Variants in UBE3C observed in about 807,000 individuals in gnomAD.
UBE3C encodes ubiquitin protein ligase E3C.
Under a neutral mutation model 129.4 loss-of-function variants are expected in UBE3C, and 42 were observed. The ratio of observed to expected loss-of-function variants is 0.32; its 90% confidence interval spans 0.25 to 0.42. UBE3C has a LOEUF of 0.42. Among genes scored for constraint, UBE3C ranks in the 10% least tolerant of loss-of-function variants. UBE3C has a pLI of 1.00. For synonymous variants in UBE3C, 510 were observed against 492.4 expected, an observed-to-expected ratio of 1.04 and a Z score of -0.47; for missense variants, 1,049 against 1,319.1, an observed-to-expected ratio of 0.80 and a Z score of 3.17.
At chr7:157,165,424 G>A (rs1370491759) in intron 2 of UBE3C, among the ~76,000 whole-genome samples, 2 of 140,782 alleles carry the variant, frequency 1.4e-5, no homozygotes, top group African/African-American at 5.4e-5. Flanking sequence ...TTGAGGTGGA[G>A]TCTCACTTTG....
chr7:157,142,108 A>G (rs767748826), intron 1 of UBE3C, among the ~76,000 whole-genome samples: 9 of 152,092 alleles, frequency 5.9e-5, no homozygotes, highest in Non-Finnish European at 1.2e-4. Context: ...TGTGGTTTTA[A>G]TTTTGTTTCC....
At chr7:157,213,543 CTT>C (rs1481984926) in intron 13 of UBE3C, among the ~76,000 whole-genome samples, 1 of 152,238 alleles carries the variant, frequency 6.6e-6, no homozygotes, top group Admixed American at 6.5e-5. Context: ...CCTCTACAAA[CTT>C]TCCCTTTTTG....
chr7:157,246,167 G>C (rs747936202), intron 18 of UBE3C, among the ~76,000 whole-genome samples: 1 of 152,178 alleles, frequency 6.6e-6, no homozygotes, highest in Admixed American at 6.5e-5. Context: ...AGGGGTGTCT[G>C]AGCATGCCCT....
rs530596649 is a variant in UBE3C, at chr7:157,265,455, T to G, written c.3082-2130T>G. On this transcript the variant is annotated intron_variant, in intron 22 of 22. Transcript: ENST00000348165. The stretch of plus-strand genomic sequence containing the variant: ...CGACACGCCCATAGGTCTCATGCAT[T>G]AAGTCTGCGTTGAGCAATCCCTAAC... Among the ~76,000 whole-genome samples the G allele has an allele frequency of 8.4e-4, 128 of 152,378 alleles. 1 individual carries two copies. The South Asian group carries it at 0.015, about 18-fold the overall frequency.
chr7:157,199,718 G>A (rs1053324487), intron 10 of UBE3C, among the ~76,000 whole-genome samples: 1 of 151,842 alleles, frequency 6.6e-6, no homozygotes. Flanking sequence ...TGATCCACCC[G>A]CCTCAGCCTC....
intron 19 of UBE3C, among the ~76,000 whole-genome samples, chr7:157,249,376 C>T (rs1241727401): frequency 1.3e-5 from 2 of 151,858 alleles, no homozygotes; most frequent in African/African-American, 4.8e-5. Context: ...AGTGCAGTGG[C>T]GCAATCTCGG....
chr7:157,210,155 C>T (rs574763459), intron 13 of UBE3C, among the ~76,000 whole-genome samples: 1 of 152,024 alleles, frequency 6.6e-6, no homozygotes, highest in South Asian at 2.1e-4. Flanking sequence ...CCAGCCTGGG[C>T]GGTAGGGTGA....
At chr7:157,167,305 C>T (rs185718865) in intron 2 of UBE3C, among the ~76,000 whole-genome samples, 6 of 152,242 alleles carry the variant, frequency 3.9e-5, no homozygotes, top group Admixed American at 2.0e-4. Context: ...TTGAATCCCA[C>T]AGTGTGTGTG....
In UBE3C at chr7:157,207,885, A is replaced by G; in HGVS notation, c.1759A>G (p.Met587Val). The G allele has an allele frequency of 6.2e-7, 1 of 1,612,854 alleles. No individual in the cohort carries two copies. The highest frequency in any genetic ancestry group is 8.5e-7 in the Non-Finnish European group (1 of 1,179,552). The change falls in exon 13 of 23, where the codon ATG becomes GTG. Residue 587 changes from methionine (M) to valine (V), a missense_variant. By Grantham distance (21) the Met-to-Val change is conservative. Coordinates refer to ENST00000348165, the MANE Select transcript of UBE3C (RefSeq NM_014671.3). ...TATTGGAGTTACTACTAGCTCTGAA[A>G]TGCAACAATGCATACAGATGGAACA... ...QSIGVTTSSE[M>V]QQCIQMEQKR...
intron 17 of UBE3C, among the ~76,000 whole-genome samples, chr7:157,228,106 A>G (rs935157325): frequency 1.3e-5 from 2 of 152,250 alleles, no homozygotes; most frequent in Non-Finnish European, 2.9e-5. Context: ...TCCACGTGTC[A>G]TCTAGTCATT....
intron 13 of UBE3C, among the ~76,000 whole-genome samples, chr7:157,212,574 C>T (rs1289595812): frequency 6.6e-6 from 1 of 152,200 alleles, no homozygotes; most frequent in Non-Finnish European, 1.5e-5. Flanking sequence ...TGTTAATTTA[C>T]AATGTTTACC....
intron 15 of UBE3C, chr7:157,220,999 C>A: frequency 2.1e-6 from 1 of 479,528 alleles, no homozygotes; most frequent in Admixed American, 3.3e-5. Flanking sequence ...GTCACTTTGC[C>A]TTTTGCAAAA....
intron 18 of UBE3C, among the ~76,000 whole-genome samples, chr7:157,247,731 GAA>G (rs1796516337): frequency 6.6e-6 from 1 of 152,052 alleles, no homozygotes; most frequent in Non-Finnish European, 1.5e-5. Flanking sequence ...CTTGACATGT[GAA>G]AATCACATGA....
intron 8 of UBE3C, among the ~76,000 whole-genome samples, chr7:157,183,429 G>A (rs1229725928): frequency 1.3e-5 from 2 of 152,078 alleles, no homozygotes; most frequent in African/African-American, 4.8e-5. Flanking sequence ...CCACACTCTC[G>A]GCACCTCCCT....
intron 19 of UBE3C, among the ~76,000 whole-genome samples, chr7:157,250,457 G>A (rs954145446): frequency 8.5e-5 from 13 of 152,112 alleles, no homozygotes; most frequent in African/African-American, 3.1e-4. Context: ...AAAGTGCTGG[G>A]ATTACAGGCA....
intron 18 of UBE3C, among the ~76,000 whole-genome samples, chr7:157,236,805 C>A (rs1796164332): frequency 1.3e-5 from 2 of 151,994 alleles, no homozygotes; most frequent in Admixed American, 1.3e-4. Flanking sequence ...GATCTTGGCT[C>A]ACTGCAACCT....
Position 157,217,978 on chromosome 7 carries a change from G to A in UBE3C, c.1914+1007G>A, listed in dbSNP as rs151317181. Among the ~76,000 whole-genome samples the A allele has an allele frequency of 2.7e-3, 414 of 152,140 alleles. 4 individuals carry two copies. The highest frequency in any genetic ancestry group is 9.7e-3 in the African/African-American group (401 of 41,518). ...GCGGAGGTTGCAGTGAGCCAAGATCGTGCCACTGCACTGCAGCCTGGGTGA... is the reference window on the plus strand; with the variant it reads ...GCGGAGGTTGCAGTGAGCCAAGATCATGCCACTGCACTGCAGCCTGGGTGA... On this transcript the variant is annotated intron_variant, in intron 14 of 22. Coordinates refer to ENST00000348165, the MANE Select transcript of UBE3C (RefSeq NM_014671.3).
chr7:157,191,330 C>G (rs1808959934), intron 10 of UBE3C, among the ~76,000 whole-genome samples: 1 of 152,230 alleles, frequency 6.6e-6, no homozygotes, highest in Non-Finnish European at 1.5e-5. Context: ...CTCACTTTGT[C>G]ACCCAGGCTG....
intron 5 of UBE3C, among the ~76,000 whole-genome samples, chr7:157,176,402 G>A (rs547256206): frequency 3.3e-5 from 5 of 152,292 alleles, no homozygotes; most frequent in African/African-American, 1.2e-4. Flanking sequence ...AGCCTCTCAA[G>A]TAGCTGGGAC....
Sources: allele counts gnomAD v4.1 joint callset (sites outside exome capture counted in the v4.1 genomes callset), GRCh38; gene constraint gnomAD v4.1.1; transcripts MANE v1.5; gene names NCBI Gene and HGNC (gene_info 2026-07-23, HGNC 2026-07-21).